Variants in SKOR2 observed in about 807,000 individuals in gnomAD.
The protein encoded by SKOR2 is LBX1 corepressor 1-like protein.
Under a neutral mutation model 69.1 loss-of-function variants are expected in SKOR2, and 47 were observed. The ratio of observed to expected loss-of-function variants is 0.68; its 90% CI spans 0.54 to 0.87. The LOEUF (loss-of-function observed/expected upper bound fraction) is 0.87, where lower values mean the gene tolerates loss of function less well. Among genes scored for constraint, SKOR2 ranks in the 40% least tolerant of loss-of-function variants. The pLI is 0.00. For synonymous variants in SKOR2, 717 were observed against 672.6 expected, an observed-to-expected ratio of 1.07 and a Z score of -1.02; for missense variants, 1,404 against 1,472.2, an observed-to-expected ratio of 0.95 and a Z score of 0.76.
chr18:47,216,150 A>C (rs1383327467), intron 7 of SKOR2, among the ~76,000 whole-genome samples: 1 of 152,216 alleles, frequency 6.6e-6, no homozygotes, highest in Non-Finnish European at 1.5e-5. Flanking sequence ...TCCTAGAATC[A>C]TAATTCATTT....
At chr18:47,224,914 C>A (rs947437203) in intron 6 of SKOR2, among the ~76,000 whole-genome samples, 3 of 152,024 alleles carry the variant, frequency 2.0e-5, no homozygotes, top group African/African-American at 7.3e-5. Flanking sequence ...GCCACTGTGC[C>A]CAGCCAAAAC....
intron 8 of SKOR2, among the ~76,000 whole-genome samples, chr18:47,209,214 C>T (rs2064121089): frequency 6.6e-6 from 1 of 152,032 alleles, no homozygotes; most frequent in African/African-American, 2.4e-5. Flanking sequence ...AAGTGGATTG[C>T]CTGTGGTTTT....
Position 47,248,218 on chromosome 18 carries a change from G to C in SKOR2, c.966C>G (p.Ala322=). ...DDDDDSLQEA[A]VVAAASLSAA... is the part of the protein sequence containing the mutation. The stretch of plus-strand genomic sequence containing the variant: ...CCGAGAGGCTGGCGGCGGCCACTAC[G>C]GCGGCCTCCTGCAAGGAGTCGTCGT... The change falls in exon 2 of 9, where the codon GCC becomes GCG. Residue 322 remains alanine (A), a synonymous_variant. Coordinates refer to ENST00000425639, the MANE Select transcript of SKOR2 (RefSeq NM_001278063.4). This position sits in a 1 kb window ranked among gnomAD's most constrained non-coding sequence, Gnocchi z 6.4. 1.6e-6 allele frequency: 2 copies of C among 1,230,712 alleles called. No individual in the cohort carries two copies. The highest frequency in any genetic ancestry group is 2.0e-6 in the Non-Finnish European group (2 of 989,172). 76.2% of individuals were successfully genotyped at this position (1,230,712 alleles called of 1,614,324 possible). A position where few individuals can be genotyped will look rare whatever the true frequency, so the allele number is the denominator to read the frequency against.
chr18:47,250,459 T>C (rs1268326015), intron 1 of SKOR2, among the ~76,000 whole-genome samples: 43 of 152,218 alleles, frequency 2.8e-4, no homozygotes, highest in Non-Finnish European at 1.5e-5. Context: ...ACACTGATCT[T>C]TCCACAGCTA....
chr18:47,222,897 C>T (rs2064166279), intron 6 of SKOR2, among the ~76,000 whole-genome samples: 1 of 151,974 alleles, frequency 6.6e-6, no homozygotes, highest in Non-Finnish European at 1.5e-5. Context: ...TAATATAATT[C>T]CTTAAGTTAA....
At chr18:47,245,021 A>G (rs1568090345) in intron 3 of SKOR2, 39 bp from the exon 4 acceptor site, 8 of 1,515,182 alleles carry the variant, frequency 5.3e-6, no homozygotes, top group African/African-American at 1.4e-5. Flanking sequence ...CAAGTGATCC[A>G]ACTGACAAGA....
chr18:47,235,780 C>CAAAAAA (rs11433396), intron 4 of SKOR2, among the ~76,000 whole-genome samples: 25 of 59,248 alleles, frequency 4.2e-4, no homozygotes, highest in East Asian at 1.1e-3. Flanking sequence ...CACAAACAAG[C>CAAAAAA]AAAAAAAAAA....
chr18:47,248,605 C>G lies in SKOR2; in HGVS notation c.579G>C (p.Thr193=), dbSNP rs778064597. 6.5e-7 allele frequency: 1 copy of G among 1,543,976 alleles called. No homozygotes were observed. The highest frequency in any genetic ancestry group is 8.7e-7 in the Non-Finnish European group (1 of 1,150,050). ...PNKFIFHSHR[T]PDAKYTQPDA... ...CTGGCTGAGTGTACTTGGCGTCGGG[C>G]GTGCGGTGGGAGTGGAAAATGAACT... is the stretch of plus-strand genomic sequence containing the variant. Residue 193 remains threonine, a synonymous_variant, in exon 2 of 9, where the codon ACG becomes ACC. Transcript: ENST00000425639. This position sits in a 1 kb window ranked among gnomAD's most constrained non-coding sequence, Gnocchi z 6.4.
chr18:47,247,617 C>G lies in SKOR2; in HGVS notation c.1567G>C (p.Ala523Pro). ...LAEPGGAAGS[A>P]EAAPPPGQPP... ...TGCCCCGGCGGGGGCGCGGCCTCGG[C>G]GCTCCCAGCAGCACCGCCTGGCTCA... is the stretch of plus-strand genomic sequence containing the variant. The change falls in exon 2 of 9, where the codon GCC (alanine) becomes CCC (proline). Residue 523 changes from alanine to proline, a missense_variant. Coordinates refer to ENST00000425639, the MANE Select transcript of SKOR2 (RefSeq NM_001278063.4). This position sits in a 1 kb window ranked among gnomAD's most constrained non-coding sequence, Gnocchi z 6.6. The G allele has an allele frequency of 7.8e-7, 1 of 1,283,680 alleles. No homozygotes were observed. The allele number at this position is 1,283,680 out of a possible 1,614,324, so 79.5% of individuals were successfully genotyped here. A position where few individuals can be genotyped will look rare whatever the true frequency, so the allele number is the denominator to read the frequency against.
At chr18:47,238,454 C>T (rs1322914284) in intron 4 of SKOR2, among the ~76,000 whole-genome samples, 1 of 151,254 alleles carries the variant, frequency 6.6e-6, no homozygotes, top group Non-Finnish European at 1.5e-5. Context: ...TCCCGAGTAG[C>T]TGGGATTACA....
chr18:47,240,440 C>T (rs1210951801), intron 4 of SKOR2, among the ~76,000 whole-genome samples: 1 of 152,160 alleles, frequency 6.6e-6, no homozygotes, highest in East Asian at 1.9e-4. Flanking sequence ...CTACCATCCC[C>T]CTTATCTATC....
chr18:47,219,798 C>T, intron 7 of SKOR2, 145 bp downstream of exon 7: 1 of 652,038 alleles, frequency 1.5e-6, no homozygotes, highest in Non-Finnish European at 2.6e-6. Flanking sequence ...CTAAGTAAAT[C>T]TCTTGGTAAT....
In SKOR2 at chr18:47,247,958, T is replaced by C. The variant is rs2144518042; in HGVS notation, c.1226A>G (p.Tyr409Cys). 2.2e-6 allele frequency: 3 copies of C among 1,373,298 alleles called. No homozygotes were observed. The highest frequency in any genetic ancestry group is 2.8e-6 in the Non-Finnish European group (3 of 1,070,292). The allele number at this position is 1,373,298 out of a possible 1,614,324, so 85.1% of individuals were successfully genotyped here. Reference sequence around the variant, plus strand: ...GGCGGCGGCCGCGGCAGGGAAGGTGTAGGGGTGCGGGAAGAGCCCGCCGCA... The same window carrying C: ...GGCGGCGGCCGCGGCAGGGAAGGTGCAGGGGTGCGGGAAGAGCCCGCCGCA... ...PGCGGLFPHP[Y>C]TFPAAAAAFS... Residue 409 changes from tyrosine (Y) to cysteine (C), a missense_variant, in exon 2 of 9, where the codon TAC becomes TGC. Tyr to Cys is a radical substitution (Grantham distance 194). Coordinates refer to ENST00000425639, the MANE Select transcript of SKOR2 (RefSeq NM_001278063.4). The surrounding 1 kb of genome is among the most constrained non-coding windows in gnomAD (Gnocchi z 6.6).
Position 47,247,515 on chromosome 18 carries a change from G to A in SKOR2, c.1669C>T (p.Leu557Phe), listed in dbSNP as rs2064285177. 2 of 1,211,754 alleles carry A rather than the reference G, an allele frequency of 1.7e-6. No homozygotes were observed. The highest frequency in any genetic ancestry group is 8.1e-5 in the South Asian group (2 of 24,584). 75.1% of individuals were successfully genotyped at this position (1,211,754 alleles called of 1,614,324 possible). Residue 557 changes from leucine (L) to phenylalanine (F), a missense_variant, in exon 2 of 9, where the codon CTC becomes TTC. Leu to Phe is a conservative substitution (Grantham distance 22, BLOSUM62 0). This residue lies in a region of SKOR2 where 1,266 missense variants were observed against 1,309.9 expected (regional missense o/e 0.97). Coordinates refer to ENST00000425639, the MANE Select transcript of SKOR2 (RefSeq NM_001278063.4). This position sits in a 1 kb window ranked among gnomAD's most constrained non-coding sequence, Gnocchi z 6.6. The stretch of plus-strand genomic sequence containing the variant: ...CTGCCGCCCGGGGGCGACTCGAAGA[G>A]CGCGTCGCGAGAGCCGGCGCCCCCG... ...PAGGAGSRDA[L>F]FESPPGGSGG...
intron 7 of SKOR2, among the ~76,000 whole-genome samples, chr18:47,214,841 A>G (rs1214132815): frequency 1.3e-5 from 2 of 152,194 alleles, no homozygotes; most frequent in Non-Finnish European, 2.9e-5. Context: ...TAGTTATTCC[A>G]TGCAAATCTC....
At position 47,236,778 on chromosome 18, in the gene SKOR2, AT is replaced by A. The variant is rs143812925; in HGVS notation, c.2753-5779del. Among the ~76,000 whole-genome samples the A allele has an allele frequency of 6.3e-3, 938 of 149,474 alleles. 5 individuals are homozygous for A. Among genetic ancestry groups the A allele is most frequent in the African/African-American group, 0.019 (788 of 40,862 alleles). On this transcript the variant is annotated intron_variant, in intron 4 of 8. Transcript: ENST00000425639. The stretch of plus-strand genomic sequence containing the variant: ...TCTAAGCCACCCAGTCGATGGTATT[AT>A]TTTTTTTTTATAGCAGCCTGGCCAG...
chr18:47,207,620 T>G (rs1333438401), intron 8 of SKOR2, among the ~76,000 whole-genome samples: 10 of 152,318 alleles, frequency 6.6e-5, no homozygotes, highest in Admixed American at 5.2e-4. Context: ...CTAAGGAGAT[T>G]CTTAAAAGAA....
chr18:47,245,048 A>AT (rs201348002), intron 3 of SKOR2, 66 bp from the exon 4 acceptor site: 174,954 of 1,061,498 alleles, frequency 0.16, 64 homozygotes, highest in South Asian at 0.2. Flanking sequence ...CAAAGATCCA[A>AT]TTTTTTTTTT....
At chr18:47,237,230 T>G (rs1480346643) in intron 4 of SKOR2, among the ~76,000 whole-genome samples, 1 of 152,224 alleles carries the variant, frequency 6.6e-6, no homozygotes, top group African/African-American at 2.4e-5. Context: ...TATATTCAGT[T>G]TACTGGGGAA....
Sources: gnomAD v4.1 joint callset for allele counts (sites outside exome capture counted in the v4.1 genomes callset) on GRCh38, gnomAD v4.1.1 for gene constraint, gnomAD v4.1.1 regional missense constraint, Gnocchi (gnomAD v3.1) non-coding constraint, MANE v1.5 for transcripts, NCBI Gene and HGNC (gene_info 2026-07-23, HGNC 2026-07-21) for gene names.